The following CALB1 variants were observed in gnomAD, a reference collection of about 807,000 sequenced individuals.
CALB1 encodes calbindin.
A neutral mutation model predicts 46.7 loss-of-function variants in CALB1; 16 were observed. That is an observed-to-expected ratio of 0.34 (90% CI 0.23 to 0.52). The LOEUF (loss-of-function observed/expected upper bound fraction) is 0.52, where lower values mean the gene tolerates loss of function less well. Among genes scored for constraint, CALB1 ranks in the 20% least tolerant of loss-of-function variants. CALB1 has a pLI of 0.95. For missense variants in CALB1, 224 were observed against 300.3 expected (o/e 0.75, Z 1.88); for synonymous variants, 90 against 112.8 (o/e 0.80, Z 1.28).
chr8:90,066,755 T>C (rs1284822475), intron 5 of CALB1, among the ~76,000 whole-genome samples: 2 of 152,140 alleles, frequency 1.3e-5, no homozygotes, highest in South Asian at 2.1e-4. Flanking sequence ...AGATTTGCCA[T>C]ATAAGTGACA....
intron 3 of CALB1, among the ~76,000 whole-genome samples, chr8:90,070,086 T>C (rs1256656802): frequency 6.6e-6 from 1 of 152,046 alleles, no homozygotes; most frequent in Non-Finnish European, 1.5e-5. Context: ...ATGTGAGATC[T>C]ATTTCTGGCA....
intron 5 of CALB1, among the ~76,000 whole-genome samples, chr8:90,068,727 G>T (rs1341016336): frequency 6.6e-6 from 1 of 151,878 alleles, no homozygotes; most frequent in African/African-American, 2.4e-5. Context: ...TGGCTTATTC[G>T]GCTTATCTAT....
intron 10 of CALB1, 132 bp from the exon 11 acceptor site, chr8:90,060,418 A>C: frequency 1.4e-6 from 1 of 722,386 alleles, no homozygotes; most frequent in Non-Finnish European, 2.4e-6. Flanking sequence ...TTAAATTCTT[A>C]TACAAATGTG....
chr8:90,076,173 C>T (rs900080973), intron 3 of CALB1, among the ~76,000 whole-genome samples: 19 of 152,050 alleles, frequency 1.2e-4, no homozygotes, highest in African/African-American at 4.3e-4. Context: ...GTTTCGAGTG[C>T]TTTGCCCAAA....
intron 2 of CALB1, chr8:90,081,552 C>T (rs1042432875): frequency 1.4e-5 from 9 of 640,168 alleles, no homozygotes; most frequent in Non-Finnish European, 1.7e-5. Context: ...GCATTTCCAC[C>T]CCCTTATTTC....
chr8:90,068,953 T>A lies in CALB1; in HGVS notation c.372+45A>T, dbSNP rs188715730. ...AAGCTAGGAAACTCTTAGTTCATAA[T>A]TGCATCTGAAAGGAAAAACTTAGTA... On this transcript the variant is annotated intron_variant, in intron 5 of 10. Transcript: ENST00000265431. 332 of 1,408,380 alleles carry A rather than the reference T, an allele frequency of 2.4e-4. 2 individuals carry two copies. The East Asian group carries it at 6.4e-3, about 27-fold the overall frequency. 87.2% of individuals were successfully genotyped at this position (1,408,380 alleles called of 1,614,324 possible).
At chr8:90,063,946 T>G (rs555061624) in intron 6 of CALB1, 7 of 153,950 alleles carry the variant, frequency 4.5e-5, no homozygotes, top group African/African-American at 1.7e-4. Flanking sequence ...TATTAGAAAC[T>G]CCATAAAGCT....
In CALB1 at chr8:90,063,465, A is replaced by C; in HGVS notation, c.451-4T>G. On this transcript the variant is annotated splice_region_variant and splice_polypyrimidine_tract_variant and intron_variant, in intron 6 of 10. Transcript: ENST00000265431. ...TATTTGAATCAAATAGTTTCAGCTG[A>C]AAGACAGAATGCCATTATTCTAGCT... 1 of 1,607,972 alleles carries C rather than the reference A, an allele frequency of 6.2e-7. No individual in the cohort carries two copies. Among genetic ancestry groups the C allele is most frequent in the Admixed American group, 1.7e-5 (1 of 59,768 alleles).
Position 90,078,408 on chromosome 8 carries a change from C to A in CALB1, c.196G>T (p.Gly66Trp), listed in dbSNP as rs1422801297. ...CCTATTTTTCCATCATCTCTTTGCC[C>A]ATACTGATCCACAAAAGTTTTCATT... ...PEMKTFVDQY[G>W]QRDDGKIGIV... Residue 66 changes from glycine to tryptophan, a missense_variant, in exon 3 of 11, where the codon GGG becomes TGG. Coordinates refer to ENST00000265431, the MANE Select transcript of CALB1 (RefSeq NM_004929.4). The A allele has an allele frequency of 1.6e-5, 25 of 1,594,290 alleles. No homozygotes were observed. The highest frequency in any genetic ancestry group is 2.1e-5 in the Non-Finnish European group (25 of 1,167,132).
chr8:90,060,563 G>T, intron 10 of CALB1, 66 bp downstream of exon 10: 1 of 1,190,620 alleles, frequency 8.4e-7, no homozygotes, highest in Non-Finnish European at 1.2e-6. Context: ...AAATGGATGT[G>T]CTGTTGGTTT....
At chr8:90,065,091 C>T (rs1814368015) in intron 6 of CALB1, among the ~76,000 whole-genome samples, 1 of 151,792 alleles carries the variant, frequency 6.6e-6, no homozygotes, top group African/African-American at 2.4e-5. Flanking sequence ...ACAGTACCTT[C>T]ACAGTACTGA....
chr8:90,066,032 A>G (rs1814390258), intron 5 of CALB1, 57 bp from the exon 6 acceptor site: 2 of 1,145,186 alleles, frequency 1.7e-6, no homozygotes, highest in East Asian at 2.4e-5. Context: ...GTCTACTTTC[A>G]TTTCAGAATG....
chr8:90,078,124 C>A (rs1426183284), intron 3 of CALB1, among the ~76,000 whole-genome samples: 1 of 151,944 alleles, frequency 6.6e-6, no homozygotes, highest in Non-Finnish European at 1.5e-5. Context: ...CAGAGGCAAA[C>A]AATTTTGTTT....
At position 90,060,824 on chromosome 8, in the gene CALB1, T is replaced by A. The variant is rs147559825; in HGVS notation, c.601-124A>T. On this transcript the variant is annotated intron_variant, in intron 9 of 10. Transcript: ENST00000265431. ...AACTGCATACTTGGCAGATAATCTGTTATGTCAGGCCACCCAAGTTTTTAG... is the reference window on the plus strand; with the variant it reads ...AACTGCATACTTGGCAGATAATCTGATATGTCAGGCCACCCAAGTTTTTAG... The A allele has an allele frequency of 7.4e-5, 61 of 824,392 alleles. No homozygotes were observed. In the East Asian group the frequency reaches 1.5e-3, roughly 20 times the overall value. 51.1% of individuals were successfully genotyped at this position (824,392 alleles called of 1,614,324 possible). A position where few individuals can be genotyped will look rare whatever the true frequency, so the allele number is the denominator to read the frequency against.
intron 2 of CALB1, among the ~76,000 whole-genome samples, chr8:90,079,635 T>G (rs1296985857): frequency 6.6e-6 from 1 of 151,998 alleles, no homozygotes; most frequent in Non-Finnish European, 1.5e-5. Flanking sequence ...TGACATTTAC[T>G]TTGTGAAGTT....
intron 2 of CALB1, 55 bp from the exon 3 acceptor site, chr8:90,078,502 T>C: frequency 1.0e-6 from 1 of 993,232 alleles, no homozygotes; most frequent in Non-Finnish European, 1.6e-6. Flanking sequence ...CAGTTATGCT[T>C]GTGATGGTGT....
At chr8:90,064,398 C>T (rs1416720594) in intron 6 of CALB1, 4 of 151,574 alleles carry the variant, frequency 2.6e-5, no homozygotes, top group South Asian at 2.1e-4. Context: ...AGCTCGATTA[C>T]TTAGTTTTGT....
chr8:90,082,687 G>C lies in CALB1; in HGVS notation c.11C>G (p.Ser4Cys). The change falls in exon 1 of 11, where the codon TCC becomes TGC. Residue 4 changes from serine (S) to cysteine (C), a missense_variant. By Grantham distance (112) the Ser-to-Cys change is moderately radical (BLOSUM62 -1). Coordinates refer to ENST00000265431, the MANE Select transcript of CALB1 (RefSeq NM_004929.4). MAE[S>C]HLQSSLITAS... ...TGTGATGAGGGATGACTGCAGGTGG[G>C]ATTCTGCCATTGTACAGCGGGGTGT... The C allele has an allele frequency of 6.2e-7, 1 of 1,614,034 alleles. No individual in the cohort carries two copies. Among genetic ancestry groups the C allele is most frequent in the East Asian group, 2.2e-5 (1 of 44,874 alleles).
At chr8:90,075,982 C>T (rs951128023) in intron 3 of CALB1, among the ~76,000 whole-genome samples, 8 of 152,038 alleles carry the variant, frequency 5.3e-5, no homozygotes, top group African/African-American at 9.7e-5. Flanking sequence ...TCGACCTTTT[C>T]GGGCTTCAGT....
Sources: gnomAD v4.1 joint callset for allele counts (sites outside exome capture counted in the v4.1 genomes callset) on GRCh38, gnomAD v4.1.1 for gene constraint, MANE v1.5 for transcripts, NCBI Gene and HGNC (gene_info 2026-07-23, HGNC 2026-07-21) for gene names.